UVRAG: variants seen among roughly 807,000 people sequenced by gnomAD.
The protein encoded by UVRAG is UV radiation resistance-associated gene protein.
UVRAG carries 19 observed loss-of-function variants against 78.0 expected under a neutral mutation model. The observed-to-expected ratio is 0.24, with a 90% CI of 0.17 to 0.36. UVRAG has a LOEUF of 0.36. Ranked by LOEUF, UVRAG falls within the 10% of genes least tolerant of loss-of-function variation. The probability of loss-of-function intolerance (pLI) is 1.00; values close to 1 mark genes in which losing one functional copy is unlikely to be tolerated. For synonymous variants in UVRAG, 323 were observed against 324.6 expected (o/e 1.00, Z 0.05); for missense variants, 740 against 853.8 (o/e 0.87, Z 1.66).
At chr11:76,086,167 A>T (rs1283161723) in intron 13 of UVRAG, among the ~76,000 whole-genome samples, 2 of 152,202 alleles carry the variant, frequency 1.3e-5, no homozygotes, top group Non-Finnish European at 2.9e-5. Context: ...ACTATATAAG[A>T]CATATTTTTG....
chr11:76,040,427 C>G (rs1950623553), intron 12 of UVRAG, among the ~76,000 whole-genome samples: 2 of 145,104 alleles, frequency 1.4e-5, no homozygotes, highest in South Asian at 4.5e-4. Context: ...GAGCCGAGAT[C>G]ACACCACTGC....
At chr11:76,009,189 T>C (rs1237200304) in intron 11 of UVRAG, among the ~76,000 whole-genome samples, 3 of 152,158 alleles carry the variant, frequency 2.0e-5, no homozygotes, top group African/African-American at 7.2e-5. Flanking sequence ...AATTTGTGTA[T>C]GGTTGGGAGC....
intron 12 of UVRAG, among the ~76,000 whole-genome samples, chr11:76,044,401 T>C (rs1036578539): frequency 1.3e-5 from 2 of 152,218 alleles, no homozygotes; most frequent in African/African-American, 4.8e-5. Flanking sequence ...TAGTAGTAAA[T>C]GTCAAACTTC....
chr11:75,994,784 G>T (rs1164200552), intron 8 of UVRAG, among the ~76,000 whole-genome samples: 1 of 152,148 alleles, frequency 6.6e-6, no homozygotes, highest in Non-Finnish European at 1.5e-5. Flanking sequence ...TCTCTAGTAT[G>T]TGTCCGGGTC....
At chr11:76,004,685 G>T (rs761363271) in intron 9 of UVRAG, among the ~76,000 whole-genome samples, 3 of 151,862 alleles carry the variant, frequency 2.0e-5, no homozygotes, top group Non-Finnish European at 4.4e-5. Flanking sequence ...GAGTGCAGTG[G>T]TGCAGTCGTA....
At chr11:76,127,669 C>G (rs113449590) in intron 14 of UVRAG, among the ~76,000 whole-genome samples, 18,242 of 147,548 alleles carry the variant, frequency 0.12, 1,667 homozygotes, top group African/African-American at 0.25. Flanking sequence ...ATGAATGAAT[C>G]AATGAGGCCT....
chr11:75,947,697 G>A (rs181193376), intron 6 of UVRAG, among the ~76,000 whole-genome samples: 66 of 152,282 alleles, frequency 4.3e-4, no homozygotes, highest in African/African-American at 1.5e-3. Flanking sequence ...GGGTTTGTGG[G>A]TGGGAAATAA....
intron 12 of UVRAG, among the ~76,000 whole-genome samples, chr11:76,050,146 A>G (rs923454150): frequency 6.6e-6 from 1 of 152,194 alleles, no homozygotes; most frequent in African/African-American, 2.4e-5. Flanking sequence ...CCTGCTGTTA[A>G]TCTGTGGCAA....
intron 3 of UVRAG, among the ~76,000 whole-genome samples, chr11:75,876,683 C>T (rs567650595): frequency 1.0e-3 from 88 of 84,814 alleles, no homozygotes; most frequent in Non-Finnish European, 1.8e-3. Flanking sequence ...TCCCACCTTA[C>T]ACTTTGGTCA....
intron 1 of UVRAG, among the ~76,000 whole-genome samples, chr11:75,841,775 C>T (rs557520889): frequency 2.0e-5 from 3 of 152,302 alleles, no homozygotes; most frequent in East Asian, 3.9e-4. Context: ...TGTCCTTACC[C>T]GTGTCAACCC....
intron 14 of UVRAG, among the ~76,000 whole-genome samples, chr11:76,118,310 C>A (rs1413171243): frequency 6.6e-6 from 1 of 152,036 alleles, no homozygotes; most frequent in East Asian, 1.9e-4. Context: ...TGTTTCGATT[C>A]TCTTGGATTT....
chr11:75,856,042 T>C (rs1946282121), intron 2 of UVRAG, among the ~76,000 whole-genome samples: 2 of 152,196 alleles, frequency 1.3e-5, no homozygotes, highest in Admixed American at 1.3e-4. Flanking sequence ...CAGGCTGGAG[T>C]GCAGTGGCGC....
chr11:75,883,158 GCTTCT>G (rs1946989466), intron 4 of UVRAG, among the ~76,000 whole-genome samples: 1 of 152,052 alleles, frequency 6.6e-6, no homozygotes, highest in Non-Finnish European at 1.5e-5. Context: ...GGAGGATGGT[GCTTCT>G]TAACGTTCTG....
chr11:75,894,206 G>A (rs1842017558), intron 5 of UVRAG, among the ~76,000 whole-genome samples: 1 of 152,170 alleles, frequency 6.6e-6, no homozygotes, highest in African/African-American at 2.4e-5. Flanking sequence ...CTGGACCGCT[G>A]CTTGTCTAGG....
At chr11:76,124,186 G>A (rs761516785) in intron 14 of UVRAG, among the ~76,000 whole-genome samples, 1 of 152,226 alleles carries the variant, frequency 6.6e-6, no homozygotes, top group Non-Finnish European at 1.5e-5. Flanking sequence ...AAAATGAACT[G>A]TGCAAAGTAT....
At chr11:75,961,283 T>C (rs569123732) in intron 6 of UVRAG, among the ~76,000 whole-genome samples, 161 bp from the exon 7 acceptor site, 1 of 152,324 alleles carries the variant, frequency 6.6e-6, no homozygotes, top group South Asian at 2.1e-4. Flanking sequence ...ATAGGATTTA[T>C]TGTATTCCCT....
At chr11:75,891,251 AC>A (rs1947208209) in intron 5 of UVRAG, among the ~76,000 whole-genome samples, 1 of 152,100 alleles carries the variant, frequency 6.6e-6, no homozygotes, top group Non-Finnish European at 1.5e-5. Flanking sequence ...AATTCCCAGC[AC>A]CTGCCACAGT....
At chr11:75,983,590 T>C (rs993257292) in intron 8 of UVRAG, 77 bp downstream of exon 8, 1 of 1,463,140 alleles carries the variant, frequency 6.8e-7, no homozygotes, top group South Asian at 1.5e-5. Context: ...CAAGCTCAAA[T>C]AGTCATTTTT....
At chr11:75,891,451 ATAT>A (rs1947211690) in intron 5 of UVRAG, among the ~76,000 whole-genome samples, 1 of 152,212 alleles carries the variant, frequency 6.6e-6, no homozygotes, top group South Asian at 2.1e-4. Context: ...TATAATAATA[ATAT>A]TAATAGCTAA....
Sources: gnomAD v4.1 joint callset for allele counts (sites outside exome capture counted in the v4.1 genomes callset) on GRCh38, gnomAD v4.1.1 for gene constraint, MANE v1.5 for transcripts, NCBI Gene and HGNC (gene_info 2026-07-23, HGNC 2026-07-21) for gene names.